Variants in MYBPC1 observed in about 807,000 individuals in gnomAD.
MYBPC1 encodes the protein myosin binding protein C1, also known as myosin-binding protein C, slow-type.
Under a neutral mutation model 147.1 loss-of-function variants are expected in MYBPC1, and 52 were observed. The ratio of observed to expected loss-of-function variants is 0.35; its 90% CI spans 0.28 to 0.45. MYBPC1 has a LOEUF of 0.45. Ranked by LOEUF, MYBPC1 falls within the 20% of genes least tolerant of loss-of-function variation. MYBPC1 has a pLI of 1.00. For synonymous variants in MYBPC1, 477 were observed against 475.9 expected (o/e 1.00, Z -0.03); for missense variants, 1,228 against 1,440.3 (o/e 0.85, Z 2.39).
At position 101,603,033 on chromosome 12, in the gene MYBPC1, G is replaced by C. The variant is rs193256360; in HGVS notation, c.25+7938G>C. On this transcript the variant is annotated intron_variant, in intron 1 of 31. Coordinates refer to ENST00000361466, the MANE Select transcript of MYBPC1 (RefSeq NM_002465.4). Reference sequence around the variant, plus strand: ...CTGTCTCCAAGGGTTATAAGTCTTGGGTTTGTGGGACTTTACAATTTCTCT... The same window carrying C: ...CTGTCTCCAAGGGTTATAAGTCTTGCGTTTGTGGGACTTTACAATTTCTCT... Among the ~76,000 whole-genome samples, 33 of 152,170 alleles carry C rather than the reference G, an allele frequency of 2.2e-4. No homozygotes were observed. In the East Asian group the frequency reaches 6.2e-3, roughly 29 times the overall value.
At chr12:101,664,816 G>A (rs1014235967) in intron 22 of MYBPC1, among the ~76,000 whole-genome samples, 4 of 152,170 alleles carry the variant, frequency 2.6e-5, no homozygotes. Context: ...ATTTCCCAGG[G>A]TTAACCCAGT....
intron 15 of MYBPC1, 72 bp from the exon 16 acceptor site, chr12:101,651,159 T>C (rs1894358001): frequency 1.3e-6 from 2 of 1,534,340 alleles, no homozygotes; most frequent in Non-Finnish European, 1.8e-6. Context: ...CACTATACCA[T>C]TGTGAAATGC....
At chr12:101,690,542 A>G (rs1034959053), downstream of MYBPC1, among the ~76,000 whole-genome samples, 4 of 152,218 alleles carry the variant, frequency 2.6e-5, no homozygotes, top group Non-Finnish European at 5.9e-5. Context: ...AATGCTTCTC[A>G]AACAATACCA....
intron 22 of MYBPC1, among the ~76,000 whole-genome samples, chr12:101,665,980 A>G (rs1173972899): frequency 6.6e-6 from 1 of 152,186 alleles, no homozygotes; most frequent in East Asian, 1.9e-4. Context: ...TTAGAACAAG[A>G]GAGAGGCAAA....
chr12:101,624,246 A>G (rs1317512046), intron 3 of MYBPC1, among the ~76,000 whole-genome samples: 1 of 152,086 alleles, frequency 6.6e-6, no homozygotes, highest in Non-Finnish European at 1.5e-5. Context: ...TATATTAGTA[A>G]TTTTATTAAA....
chr12:101,632,401 T>C (rs758333301), intron 8 of MYBPC1, among the ~76,000 whole-genome samples: 31 of 152,220 alleles, frequency 2.0e-4, no homozygotes, highest in Non-Finnish European at 3.7e-4. Context: ...TAAAAGATGA[T>C]GTCAGTTTTT....
chr12:101,674,993 TC>T (rs972181704), intron 25 of MYBPC1, among the ~76,000 whole-genome samples: 1 of 152,032 alleles, frequency 6.6e-6, no homozygotes, highest in Non-Finnish European at 1.5e-5. Flanking sequence ...AGGGGCAACT[TC>T]CTGTAACAGC....
intron 23 of MYBPC1, among the ~76,000 whole-genome samples, chr12:101,669,584 T>A (rs1029675914): frequency 1.3e-5 from 2 of 152,126 alleles, no homozygotes; most frequent in African/African-American, 4.8e-5. Context: ...TCCCAGCTAA[T>A]GTGGTGCCTA....
intron 16 of MYBPC1, 144 bp from the exon 17 acceptor site, chr12:101,652,534 C>G: frequency 1.5e-6 from 1 of 661,268 alleles, no homozygotes; most frequent in Non-Finnish European, 2.7e-6. Flanking sequence ...TCCTCTCTCT[C>G]TCTCTCTCTC....
intron 28 of MYBPC1, among the ~76,000 whole-genome samples, chr12:101,679,494 A>T (rs1950793366): frequency 6.6e-6 from 1 of 152,196 alleles, no homozygotes; most frequent in Non-Finnish European, 1.5e-5. Flanking sequence ...ATAATAGAAG[A>T]GGTGGAAGAG....
rs1393610444 is a variant in MYBPC1 at position 101,667,659 on chromosome 12, C to T, written c.2357-73C>T. 3 of 1,548,876 alleles carry T rather than the reference C, an allele frequency of 1.9e-6. No individual in the cohort carries two copies. In the East Asian group the frequency reaches 6.8e-5, roughly 35 times the overall value. On this transcript the variant is annotated intron_variant, in intron 22 of 31. Coordinates refer to ENST00000361466, the MANE Select transcript of MYBPC1 (RefSeq NM_002465.4). The stretch of plus-strand genomic sequence containing the variant: ...GAGTAAAATACTAATTTGGAGTTGA[C>T]TGTAATGGTTAAGATGATTTTTTTC...
chr12:101,607,792 T>C (rs1882801747), intron 1 of MYBPC1, among the ~76,000 whole-genome samples: 1 of 152,190 alleles, frequency 6.6e-6, no homozygotes, highest in Non-Finnish European at 1.5e-5. Flanking sequence ...TTTTGTTGTG[T>C]TTTGTTTTGT....
chr12:101,677,111 A>G, intron 26 of MYBPC1, 124 bp from the exon 27 acceptor site: 1 of 903,994 alleles, frequency 1.1e-6, no homozygotes, highest in Middle Eastern at 3.3e-4. Context: ...TCTCCATATA[A>G]AAATGAGTGG....
chr12:101,668,097 A>C lies in MYBPC1; in HGVS notation c.2524+198A>C, dbSNP rs60643738. On this transcript the variant is annotated intron_variant, in intron 23 of 31. Transcript: ENST00000361466. The stretch of plus-strand genomic sequence containing the variant: ...AATGTGGGAGATCACCTTCAGGTTT[A>C]TCTTGGTACTCTGAGGACCAGTTAG... 0.11 allele frequency among the ~76,000 whole-genome samples: 16,344 copies of C among 152,154 alleles called. 1,157 individuals carry two copies. Among genetic ancestry groups the C allele is most frequent in the East Asian group, 0.3 (1,541 of 5,168 alleles).
chr12:101,671,888 T>C (rs1222549099), intron 24 of MYBPC1, among the ~76,000 whole-genome samples: 2 of 152,228 alleles, frequency 1.3e-5, no homozygotes, highest in Non-Finnish European at 2.9e-5. Flanking sequence ...GTGTAATCTC[T>C]AGAGTTCGCA....
intron 18 of MYBPC1, 22 bp downstream of exon 18, chr12:101,653,270 A>T (rs1339541912): frequency 6.2e-7 from 1 of 1,612,120 alleles, no homozygotes; most frequent in Non-Finnish European, 8.5e-7. Flanking sequence ...GCTTGCACAC[A>T]CTCACATGCA....
intron 17 of MYBPC1, 59 bp from the exon 18 acceptor site, chr12:101,653,056 G>A (rs1894830653): frequency 1.3e-6 from 2 of 1,579,060 alleles, no homozygotes; most frequent in African/African-American, 1.3e-5. Context: ...CCAAACATTA[G>A]TGCAGATATT....
Position 101,634,439 on chromosome 12 carries a change from T to TC in MYBPC1, c.557-109dup, listed in dbSNP as rs113838404. ...AGCACAGCCATTCAGGAGAAAAGCC[T>TC]CCCCCCTTCACCTGACATTCTTCCA... On this transcript the variant is annotated intron_variant, in intron 8 of 31. Transcript: ENST00000361466. 5.3e-4 allele frequency: 450 copies of TC among 844,650 alleles called. 2 individuals carry two copies. The African/African-American group carries it at 6.2e-3, about 12-fold the overall frequency. The allele number at this position is 844,650 out of a possible 1,614,324, so 52.3% of individuals were successfully genotyped here. A position where few individuals can be genotyped will look rare whatever the true frequency, so the allele number is the denominator to read the frequency against.
chr12:101,686,990 A>G (rs527740509), downstream of MYBPC1, among the ~76,000 whole-genome samples: 2 of 152,294 alleles, frequency 1.3e-5, no homozygotes, highest in East Asian at 1.9e-4. Flanking sequence ...CAAAAACTCC[A>G]GAATAATATT....
Sources: gnomAD v4.1 joint callset for allele counts (sites outside exome capture counted in the v4.1 genomes callset) on GRCh38, gnomAD v4.1.1 for gene constraint, MANE v1.5 for transcripts, NCBI Gene and HGNC (gene_info 2026-07-23, HGNC 2026-07-21) for gene names.